Variants in SOCS7 observed in about 807,000 individuals in gnomAD.
The protein encoded by SOCS7 is suppressor of cytokine signaling 7.
Under a neutral mutation model 58.9 loss-of-function variants are expected in SOCS7, and 18 were observed. That is an observed-to-expected ratio of 0.31 (90% CI 0.21 to 0.45). The LOEUF (loss-of-function observed/expected upper bound fraction) is 0.45, where lower values mean the gene tolerates loss of function less well. Among genes scored for constraint, SOCS7 ranks in the 20% least tolerant of loss-of-function variants. SOCS7 has a pLI of 1.00. For synonymous variants in SOCS7, 388 were observed against 364.3 expected (o/e 1.06, Z -0.74); for missense variants, 667 against 837.3 (o/e 0.80, Z 2.51).
At position 38,404,909 on chromosome 17, in the gene SOCS7, C is replaced by G. The variant is rs2038371011; in HGVS notation, c.*5427C>G. Reference sequence around the variant, plus strand: ...ACTGGTGCTGCCTGTGGCATAGCCACTGCTGTACGTTTTTGGTTGTTTTTA... The same window carrying G: ...ACTGGTGCTGCCTGTGGCATAGCCAGTGCTGTACGTTTTTGGTTGTTTTTA... On this transcript the variant is annotated 3_prime_UTR_variant, in exon 10 of 10. Coordinates refer to ENST00000612932, the MANE Select transcript of SOCS7 (RefSeq NM_014598.4). The G allele has an allele frequency of 6.6e-6, 1 of 152,200 alleles. No individual in the cohort carries two copies. The highest frequency in any genetic ancestry group is 1.9e-4 in the East Asian group (1 of 5,188). The allele number at this position is 152,200 out of a possible 1,614,324, so 9.4% of individuals were successfully genotyped here.
Position 38,352,313 on chromosome 17 carries a change from C to G in SOCS7, c.261C>G (p.Pro87=), listed in dbSNP as rs999683378. Residue 87 remains proline (P), a synonymous_variant, in exon 1 of 10, where the codon CCC becomes CCG. Transcript: ENST00000612932. The surrounding 1 kb of genome is among the most constrained non-coding windows in gnomAD (Gnocchi z 5.5). ...TGGAGGCGGCCCCGGAGCCGGGACC[C>G]TCGGAACTGCTGTGTCCCCGGCACC... ...EDVEAAPEPG[P]SELLCPRHRC... 14 of 1,485,068 alleles carry G rather than the reference C, an allele frequency of 9.4e-6. No individual in the cohort carries two copies. The highest frequency in any genetic ancestry group is 1.2e-5 in the Non-Finnish European group (14 of 1,128,164). The allele number at this position is 1,485,068 out of a possible 1,614,324, so 92.0% of individuals were successfully genotyped here.
At chr17:38,388,126 T>C (rs896260309) in intron 7 of SOCS7, among the ~76,000 whole-genome samples, 1 of 152,092 alleles carries the variant, frequency 6.6e-6, no homozygotes, top group Non-Finnish European at 1.5e-5. Context: ...GAAGCTCGTA[T>C]TGTCTCACCT....
rs1223369660 is a variant in SOCS7 at position 38,352,271 on chromosome 17, G to A, written c.219G>A (p.Pro73=). 1 of 1,478,324 alleles carries A rather than the reference G, an allele frequency of 6.8e-7. No individual in the cohort carries two copies. Among genetic ancestry groups the A allele is most frequent in the Non-Finnish European group, 8.9e-7 (1 of 1,124,430 alleles). 91.6% of individuals were successfully genotyped at this position (1,478,324 alleles called of 1,614,324 possible). ...TGGTGTTCCGCAACGTGGGTCGGCC[G>A]CCGGAGGAGGAGGACGTGGAGGCGG... ...QLMVFRNVGR[P]PEEEDVEAAP... is the part of the protein sequence containing the mutation. The change falls in exon 1 of 10, where the codon CCG becomes CCA. Residue 73 remains proline (P), a synonymous_variant. Transcript: ENST00000612932. The surrounding 1 kb of genome is among the most constrained non-coding windows in gnomAD (Gnocchi z 5.5).
rs2038353032 is a variant in SOCS7, at chr17:38,403,690, A to G, written c.*4208A>G. The G allele has an allele frequency of 6.6e-6, 1 of 152,018 alleles. No homozygotes were observed. The highest frequency in any genetic ancestry group is 2.4e-5 in the African/African-American group (1 of 41,356). The allele number at this position is 152,018 out of a possible 1,614,324, so 9.4% of individuals were successfully genotyped here. ...TTAAGAGCATCTCCACTGGGCGGAG[A>G]CCTGGCATTTGTTTTCCACTGTTAA... On this transcript the variant is annotated 3_prime_UTR_variant, in exon 10 of 10. Transcript: ENST00000612932.
At chr17:38,354,955 A>G (rs587692536) in intron 1 of SOCS7, among the ~76,000 whole-genome samples, 37 of 152,290 alleles carry the variant, frequency 2.4e-4, no homozygotes, top group African/African-American at 8.7e-4. Context: ...CTGCTCTGTC[A>G]CCAACCCTCA....
rs1011311199 is a variant in SOCS7, at chr17:38,393,922, A to C, written c.1682-1387A>C. ...CTCAAAAAACAAACAAACAAACAAA[A>C]AAACTATTTGAACTTAAACCCCAAT... On this transcript the variant is annotated intron_variant, in intron 7 of 9. Coordinates refer to ENST00000612932, the MANE Select transcript of SOCS7 (RefSeq NM_014598.4). Among the ~76,000 whole-genome samples the C allele has an allele frequency of 5.9e-5, 9 of 152,286 alleles. No homozygotes were observed. In the South Asian group the frequency reaches 6.2e-4, roughly 11 times the overall value.
intron 7 of SOCS7, among the ~76,000 whole-genome samples, chr17:38,379,199 CA>C (rs1423649408): frequency 6.7e-6 from 1 of 148,710 alleles, no homozygotes; most frequent in Non-Finnish European, 1.5e-5. Context: ...AAAAACAAGG[CA>C]GGGGTTGGTG....
intron 2 of SOCS7, 138 bp from the exon 3 acceptor site, chr17:38,364,614 C>A (rs911175274): frequency 3.4e-5 from 23 of 672,548 alleles, no homozygotes; most frequent in Non-Finnish European, 5.6e-5. Flanking sequence ...TGATTTCAGC[C>A]CTGGGGGCAT....
At chr17:38,354,692 A>G (rs989238360) in intron 1 of SOCS7, among the ~76,000 whole-genome samples, 6 of 152,170 alleles carry the variant, frequency 3.9e-5, no homozygotes, top group Non-Finnish European at 5.9e-5. Flanking sequence ...ACCAGCACAG[A>G]TGAAATTTTC....
At chr17:38,389,906 T>TATATATATATAG (rs1555571102) in intron 7 of SOCS7, among the ~76,000 whole-genome samples, 15 of 103,468 alleles carry the variant, frequency 1.4e-4, no homozygotes, top group African/African-American at 3.8e-4. Flanking sequence ...TATACACATA[T>TATATATATATAG]AGAGAGAGAG....
Position 38,395,461 on chromosome 17 carries a change from AG to A in SOCS7, c.1817+19del. ...ACTGCCTAAGTACAATGGGGTTGTC[AG>A]GTTTGGGACAGGAATGAGTAAGGGG... On this transcript the variant is annotated intron_variant, in intron 8 of 9. Transcript: ENST00000612932. 1 of 1,611,264 alleles carries A rather than the reference AG, an allele frequency of 6.2e-7. No individual in the cohort carries two copies. The highest frequency in any genetic ancestry group is 8.5e-7 in the Non-Finnish European group (1 of 1,177,662).
chr17:38,389,863 G>GTACATATATATATATATATA (rs1261982144), intron 7 of SOCS7, among the ~76,000 whole-genome samples: 1 of 22,322 alleles, frequency 4.5e-5, no homozygotes, highest in African/African-American at 1.6e-4. Context: ...GTGTGTATGT[G>GTACATATATATATATATATA]TGTACATATA....
In SOCS7 at chr17:38,352,436, G is replaced by A. The variant is rs1462071653; in HGVS notation, c.384G>A (p.Gly128=). ...TAGAGGCGCAGTTGGCGGCTCTGGG[G>A]CTCGGGCAGCCGGCGGGGCCGGGGG... ...AGLEAQLAAL[G]LGQPAGPGVK... Residue 128 remains glycine (G), a synonymous_variant, in exon 1 of 10, where the codon GGG becomes GGA. Transcript: ENST00000612932. This position sits in a 1 kb window ranked among gnomAD's most constrained non-coding sequence, Gnocchi z 5.5. The A allele has an allele frequency of 4.1e-6, 6 of 1,457,994 alleles. No homozygotes were observed. The African/African-American group carries it at 7.3e-5, about 18-fold the overall frequency. The allele number at this position is 1,457,994 out of a possible 1,614,324, so 90.3% of individuals were successfully genotyped here.
At chr17:38,356,942 C>T (rs148150211) in intron 1 of SOCS7, among the ~76,000 whole-genome samples, 53 of 152,304 alleles carry the variant, frequency 3.5e-4, no homozygotes, top group Admixed American at 1.2e-3. Flanking sequence ...TGAATCATCA[C>T]GTAATACACA....
chr17:38,377,640 A>T, intron 6 of SOCS7, 74 bp from the exon 7 acceptor site: 1 of 1,428,814 alleles, frequency 7.0e-7, no homozygotes, highest in Non-Finnish European at 9.5e-7. Flanking sequence ...AATCATAGTT[A>T]AAATATTCAA....
chr17:38,370,452 A>G (rs2037848198), intron 6 of SOCS7, among the ~76,000 whole-genome samples: 1 of 151,818 alleles, frequency 6.6e-6, no homozygotes, highest in South Asian at 2.1e-4. Flanking sequence ...TGATCCTCCT[A>G]TCTCAGCCTT....
At position 38,364,790 on chromosome 17, in the gene SOCS7, C is replaced by T. The variant is rs766957854; in HGVS notation, c.1084C>T (p.Arg362Trp). The change falls in exon 3 of 10, where the codon CGG becomes TGG. Residue 362 changes from arginine to tryptophan, a missense_variant. By Grantham distance (101) the Arg-to-Trp change is moderately radical. Around this residue, in one of 9 missense-constraint regions of SOCS7, gnomAD observed 99 missense variants for 122.9 expected, o/e 0.81. Coordinates refer to ENST00000612932, the MANE Select transcript of SOCS7 (RefSeq NM_014598.4). Reference sequence around the variant, plus strand: ...GCTTGTGGATGTGGACATTTCTCAGCGGGGCCTGACCTCTCCACACCCTCC... The same window carrying T: ...GCTTGTGGATGTGGACATTTCTCAGTGGGGCCTGACCTCTCCACACCCTCC... The part of the protein sequence containing the change: ...VSLVDVDISQ[R>W]GLTSPHPPTP... 15 of 1,614,074 alleles carry T rather than the reference C, an allele frequency of 9.3e-6. No homozygotes were observed. The highest frequency in any genetic ancestry group is 5.5e-5 in the South Asian group (5 of 91,070).
At chr17:38,365,506 C>T in intron 4 of SOCS7, 97 bp downstream of exon 4, 1 of 738,566 alleles carries the variant, frequency 1.4e-6, no homozygotes, top group South Asian at 2.5e-5. Context: ...ATGGAAATAA[C>T]AGCTTAGTAG....
intron 1 of SOCS7, among the ~76,000 whole-genome samples, chr17:38,358,883 A>ATT (rs2037676136): frequency 6.6e-6 from 1 of 151,616 alleles, no homozygotes; most frequent in Non-Finnish European, 1.5e-5. Flanking sequence ...AGAAACTATG[A>ATT]TTTTTCTTCT....
Sources: allele counts gnomAD v4.1 joint callset (sites outside exome capture counted in the v4.1 genomes callset), GRCh38; gene constraint gnomAD v4.1.1; regional missense constraint gnomAD v4.1.1; non-coding constraint Gnocchi (gnomAD v3.1); transcripts MANE v1.5; gene names NCBI Gene and HGNC (gene_info 2026-07-23, HGNC 2026-07-21).